The following MYOM2 variants were observed in gnomAD, a reference collection of about 807,000 sequenced individuals.
MYOM2 encodes the protein myomesin-2.
MYOM2 carries 254 observed loss-of-function variants against 187.6 expected under a neutral mutation model. The ratio of observed to expected loss-of-function variants is 1.35; its 90% CI spans 1.22 to 1.50. The LOEUF (loss-of-function observed/expected upper bound fraction) is 1.50, where lower values mean the gene tolerates loss of function less well. Among genes scored for constraint, MYOM2 ranks in the 40% most tolerant of loss-of-function variants. MYOM2 has a pLI of 0.00. For synonymous variants in MYOM2, 981 were observed against 753.8 expected (o/e 1.30, Z -4.94); for missense variants, 2,796 against 1,924.0 (o/e 1.45, Z -8.48).
At chr8:2,101,133 G>A (rs527634659) in intron 20 of MYOM2, 79 bp downstream of exon 20, 1 of 1,479,038 alleles carries the variant, frequency 6.8e-7, no homozygotes, top group South Asian at 1.2e-5. Flanking sequence ...ATCACTTGAG[G>A]TCAGGAGTTC....
At chr8:2,093,113 A>G (rs1470497123) in intron 16 of MYOM2, among the ~76,000 whole-genome samples, 2 of 152,208 alleles carry the variant, frequency 1.3e-5, no homozygotes, top group Non-Finnish European at 2.9e-5. Context: ...GGAAAATGTC[A>G]GCAGCTGTCA....
rs1465265669 is a variant in MYOM2, at chr8:2,046,867, C to T, written c.-13+1699C>T. ...AGTAGAGGGACATTGGGGAGCTGAT[C>T]GGCCCAGGTCCTGTCATTTTCTTTA... On this transcript the variant is annotated intron_variant, in intron 1 of 36. Transcript: ENST00000262113. 2.7e-5 allele frequency among the ~76,000 whole-genome samples: 4 copies of T among 150,872 alleles called. No individual in the cohort carries two copies. In the East Asian group the frequency reaches 7.8e-4, roughly 30 times the overall value.
At chr8:2,086,465 G>GCCCC (rs1796069746) in intron 14 of MYOM2, among the ~76,000 whole-genome samples, 3 of 148,206 alleles carry the variant, frequency 2.0e-5, no homozygotes, top group Non-Finnish European at 4.4e-5. Flanking sequence ...TCTCCACGTG[G>GCCCC]CCACACACTG....
chr8:2,080,894 C>A, intron 13 of MYOM2, among the ~76,000 whole-genome samples: 1 of 147,342 alleles, frequency 6.8e-6, no homozygotes, highest in East Asian at 2.0e-4. Context: ...CAGCCCAGCC[C>A]GTGCAGAATG....
intron 32 of MYOM2, among the ~76,000 whole-genome samples, chr8:2,139,905 A>G (rs1204992646): frequency 1.3e-5 from 2 of 152,210 alleles, no homozygotes; most frequent in Non-Finnish European, 1.5e-5. Flanking sequence ...ACTTTAAAAT[A>G]TTGTAGCATA....
intron 28 of MYOM2, 88 bp from the exon 29 acceptor site, chr8:2,123,164 G>GA: frequency 1.2e-6 from 1 of 832,790 alleles, no homozygotes. Flanking sequence ...TTGAGGGGGG[G>GA]GCTCTGTGAT....
In MYOM2 at chr8:2,106,596, A is replaced by C. The variant is rs1383555853; in HGVS notation, c.2997A>C (p.Glu999Asp). Residue 999 changes from glutamate (E) to aspartate (D), a missense_variant and splice_region_variant, in exon 23 of 37, where the codon GAA becomes GAC. Glu to Asp is a conservative substitution (Grantham distance 45). Transcript: ENST00000262113. ...CCTCCAGTTTTGTTCTGGACCCAGA[A>C]GGTAATATTTATATGGCAGAACCTT... ...GVSSSFVLDPEELERLMALSN... is the reference protein window; with the variant it reads ...GVSSSFVLDPDELERLMALSN... 6.3e-6 allele frequency: 10 copies of C among 1,596,654 alleles called. No homozygotes were observed. The South Asian group carries it at 1.1e-4, about 18-fold the overall frequency.
At position 2,085,503 on chromosome 8, in the gene MYOM2, G is replaced by GTTTTAAAGATGACCTACTAGTTC. The variant is rs1819807221; in HGVS notation, c.1644+113_1644+114insTTTTAAAGATGACCTACTAGTTC. The GTTTTAAAGATGACCTACTAGTTC allele has an allele frequency of 1.8e-6, 2 of 1,128,982 alleles. 1 individual carries two copies. The highest frequency in any genetic ancestry group is 2.4e-6 in the Non-Finnish European group (2 of 825,592). The allele number at this position is 1,128,982 out of a possible 1,614,324, so 69.9% of individuals were successfully genotyped here. A position where few individuals can be genotyped will look rare whatever the true frequency, so the allele number is the denominator to read the frequency against. On this transcript the variant is annotated intron_variant, in intron 14 of 36. Coordinates refer to ENST00000262113, the MANE Select transcript of MYOM2 (RefSeq NM_003970.4). ...TCTCCGCGTGGCCCCTCACTGTTGTGATCTCCGCGTGGCCCCCCACTGTTG... is the reference window on the plus strand; with the variant it reads ...TCTCCGCGTGGCCCCTCACTGTTGTGTTTTAAAGATGACCTACTAGTTCATCTCCGCGTGGCCCCCCACTGTTG...
chr8:2,134,182 T>G (rs1195347151), intron 32 of MYOM2, among the ~76,000 whole-genome samples: 1 of 152,152 alleles, frequency 6.6e-6, no homozygotes, highest in South Asian at 2.1e-4. Flanking sequence ...GTGTTGAATC[T>G]CAGGTCCCAT....
At position 2,096,308 on chromosome 8, in the gene MYOM2, C is replaced by T. The variant is rs138264536; in HGVS notation, c.2187C>T (p.Leu729=). 28 of 1,614,066 alleles carry T rather than the reference C, an allele frequency of 1.7e-5. No homozygotes were observed. Among genetic ancestry groups the T allele is most frequent in the African/African-American group, 1.1e-4 (8 of 74,940 alleles). Residue 729 remains leucine (L), a synonymous_variant, in exon 18 of 37, where the codon CTC becomes CTT. Transcript: ENST00000262113. ...ACTGTGACGGCCACTCCATGACCCT[C>T]GGCTGGAAGGTCCCGAAATTCAGTG... The part of the protein sequence containing the change: ...LLNCDGHSMT[L]GWKVPKFSGG...
In MYOM2 at chr8:2,048,790, TA is replaced by T. The variant is rs1818387843; in HGVS notation, c.-12-1964del. On this transcript the variant is annotated intron_variant, in intron 1 of 36. Coordinates refer to ENST00000262113, the MANE Select transcript of MYOM2 (RefSeq NM_003970.4). The stretch of plus-strand genomic sequence containing the variant: ...ATTTATTTATTTTATTTTTTATTTT[TA>T]TTTTATTTTTTTTTTTGAGATGGAG... Among the ~76,000 whole-genome samples the T allele has an allele frequency of 5.4e-5, 4 of 74,270 alleles. No homozygotes were observed. In the East Asian group the frequency reaches 1.5e-3, roughly 27 times the overall value. The allele number at this position is 74,270 out of a possible 152,430, so 48.7% of individuals were successfully genotyped here.
intron 14 of MYOM2, among the ~76,000 whole-genome samples, chr8:2,088,990 C>A (rs555104686): frequency 6.6e-6 from 1 of 152,030 alleles, no homozygotes; most frequent in African/African-American, 2.4e-5. Context: ...AGGCCCATGA[C>A]GCCCTGGGGG....
At chr8:2,138,610 A>T (rs1299764300) in intron 32 of MYOM2, among the ~76,000 whole-genome samples, 2 of 152,206 alleles carry the variant, frequency 1.3e-5, no homozygotes, top group African/African-American at 4.8e-5. Context: ...ATAGAACCAA[A>T]GTGCTCACAC....
intron 32 of MYOM2, among the ~76,000 whole-genome samples, chr8:2,134,915 G>A (rs118092894): frequency 0.028 from 4,219 of 152,172 alleles, 58 homozygotes; most frequent in Middle Eastern, 0.048. Flanking sequence ...AGAGACTATC[G>A]ATGTCTCAGG....
intron 32 of MYOM2, among the ~76,000 whole-genome samples, chr8:2,139,190 G>C (rs1481405553): frequency 1.3e-5 from 2 of 152,220 alleles, no homozygotes; most frequent in African/African-American, 4.8e-5. Flanking sequence ...GGCCAGGCCG[G>C]AGTGCGGTGG....
chr8:2,128,041 T>A (rs1238531714), intron 31 of MYOM2, among the ~76,000 whole-genome samples: 2 of 152,218 alleles, frequency 1.3e-5, no homozygotes, highest in African/African-American at 2.4e-5. Flanking sequence ...TATAATTTTC[T>A]TTGTTTTATA....
In MYOM2 at chr8:2,098,996, C is replaced by T. The variant is rs780724151; in HGVS notation, c.2440+13C>T. 6.9e-6 allele frequency: 11 copies of T among 1,592,760 alleles called. No homozygotes were observed. Among genetic ancestry groups the T allele is most frequent in the Admixed American group, 3.4e-5 (2 of 59,044 alleles). Reference sequence around the variant, plus strand: ...ATGCCGGAGCCCGGTGAGTCGCTGCCCCCAGGACACCCGCGTTCCAGCGCA... The same window carrying T: ...ATGCCGGAGCCCGGTGAGTCGCTGCTCCCAGGACACCCGCGTTCCAGCGCA... On this transcript the variant is annotated intron_variant, in intron 19 of 36. Transcript: ENST00000262113.
intron 14 of MYOM2, among the ~76,000 whole-genome samples, chr8:2,087,691 G>T (rs1396593941): frequency 6.6e-6 from 1 of 152,186 alleles, no homozygotes; most frequent in Non-Finnish European, 1.5e-5. Flanking sequence ...GCTCACTGCA[G>T]TCTCCACCTC....
At chr8:2,111,608 A>G (rs1563063289) in intron 25 of MYOM2, among the ~76,000 whole-genome samples, 1 of 152,170 alleles carries the variant, frequency 6.6e-6, no homozygotes, top group Non-Finnish European at 1.5e-5. Context: ...AACACTCCAC[A>G]CTGTAAAGAA....
Sources: allele counts gnomAD v4.1 joint callset (sites outside exome capture counted in the v4.1 genomes callset), GRCh38; gene constraint gnomAD v4.1.1; transcripts MANE v1.5; gene names NCBI Gene and HGNC (gene_info 2026-07-23, HGNC 2026-07-21).